The following ABCD3 variants were observed in gnomAD, a reference collection of about 807,000 sequenced individuals.
ABCD3 encodes the protein ATP binding cassette subfamily D member 3, also known as ATP-binding cassette sub-family D member 3.
Under a neutral mutation model 105.5 loss-of-function variants are expected in ABCD3, and 41 were observed. The observed-to-expected ratio is 0.39, with a 90% CI of 0.30 to 0.50. The LOEUF (loss-of-function observed/expected upper bound fraction) is 0.50. Among genes scored for constraint, ABCD3 ranks in the 20% least tolerant of loss-of-function variants. ABCD3 has a pLI of 0.84. For missense variants in ABCD3, 622 were observed against 806.3 expected (o/e 0.77, Z 2.77); for synonymous variants, 258 against 269.0 (o/e 0.96, Z 0.40).
chr1:94,386,211 G>T, the ABCD3 span, among the ~76,000 whole-genome samples: 2 of 152,208 alleles, frequency 1.3e-5, no homozygotes, highest in African/African-American at 2.4e-5. Context: ...GAAGGGTGGT[G>T]GGATTGGCAA....
chr1:94,417,124 TCAGAGGG>T (rs1391698059), upstream of ABCD3, among the ~76,000 whole-genome samples: 1 of 152,228 alleles, frequency 6.6e-6, no homozygotes, highest in African/African-American at 2.4e-5. Context: ...CAGTTAACTT[TCAGAGGG>T]CCAAAACCTT....
intron 1 of ABCD3, among the ~76,000 whole-genome samples, chr1:94,429,769 A>G (rs1233308112): frequency 2.0e-5 from 3 of 152,234 alleles, no homozygotes; most frequent in Non-Finnish European, 4.4e-5. Flanking sequence ...TGGGGCCCAC[A>G]TGGAGAACCT....
the ABCD3 span, among the ~76,000 whole-genome samples, chr1:94,385,960 C>A: frequency 6.6e-6 from 1 of 152,118 alleles, no homozygotes; most frequent in African/African-American, 2.4e-5. Context: ...ACTTCCTTCT[C>A]GATACCTGAT....
intron 1 of ABCD3, among the ~76,000 whole-genome samples, chr1:94,429,437 T>G (rs893426241): frequency 6.6e-6 from 1 of 152,096 alleles, no homozygotes; most frequent in African/African-American, 2.4e-5. Flanking sequence ...TCAGAGACCT[T>G]TGTGGCAGCC....
At chr1:94,481,400 T>A (rs1222306573) in intron 9 of ABCD3, 1 of 152,242 alleles carries the variant, frequency 6.6e-6, no homozygotes, top group Non-Finnish European at 1.5e-5. Flanking sequence ...ATAGGGTTTT[T>A]TGCTCTAGGG....
intron 16 of ABCD3, among the ~76,000 whole-genome samples, chr1:94,496,856 C>T (rs1450026949): frequency 6.6e-6 from 1 of 150,850 alleles, no homozygotes; most frequent in African/African-American, 2.4e-5. Context: ...CAACCTCTGC[C>T]TCTCGGGTTC....
chr1:94,511,364 G>T (rs1224037104), intron 21 of ABCD3, among the ~76,000 whole-genome samples: 5 of 152,166 alleles, frequency 3.3e-5, no homozygotes, highest in Non-Finnish European at 7.3e-5. Context: ...GAGATCCGCT[G>T]TTAGTCTAAT....
intron 7 of ABCD3, among the ~76,000 whole-genome samples, chr1:94,477,418 A>G (rs1648813923): frequency 6.6e-6 from 1 of 151,966 alleles, no homozygotes; most frequent in South Asian, 2.1e-4. Flanking sequence ...GCTTGAGCCC[A>G]GGAGTTCAAG....
At chr1:94,412,709 G>A in the ABCD3 span, among the ~76,000 whole-genome samples, 32 of 152,294 alleles carry the variant, frequency 2.1e-4, no homozygotes, top group Admixed American at 2.0e-3. Context: ...TTCTTCTGGA[G>A]TTCATATTTA....
At chr1:94,447,261 A>T (rs1318064827) in intron 1 of ABCD3, among the ~76,000 whole-genome samples, 1 of 152,214 alleles carries the variant, frequency 6.6e-6, no homozygotes, top group Non-Finnish European at 1.5e-5. Context: ...GGAATTCACC[A>T]GTTTTTGTAA....
chr1:94,412,881 T>G, the ABCD3 span, among the ~76,000 whole-genome samples: 1 of 152,216 alleles, frequency 6.6e-6, no homozygotes, highest in Admixed American at 6.5e-5. Context: ...TTTAATTTTT[T>G]TATTGTGTGA....
intron 16 of ABCD3, among the ~76,000 whole-genome samples, chr1:94,494,485 G>A (rs1189453969): frequency 6.6e-6 from 1 of 151,978 alleles, no homozygotes; most frequent in Non-Finnish European, 1.5e-5. Flanking sequence ...TCTTAACATA[G>A]CCTTTCTATA....
chr1:94,488,829 C>CTG (rs1649394432), intron 13 of ABCD3, among the ~76,000 whole-genome samples: 1 of 151,268 alleles, frequency 6.6e-6, no homozygotes, highest in East Asian at 1.9e-4. Flanking sequence ...CTCTCTCTCT[C>CTG]TCTCTCGCTC....
At chr1:94,472,893 A>G (rs1349847002) in intron 4 of ABCD3, among the ~76,000 whole-genome samples, 2 of 152,216 alleles carry the variant, frequency 1.3e-5, no homozygotes, top group Non-Finnish European at 2.9e-5. Flanking sequence ...TCAAATACAT[A>G]CTATCTTTGT....
intron 1 of ABCD3, among the ~76,000 whole-genome samples, chr1:94,453,003 A>C (rs965118002): frequency 2.0e-5 from 3 of 152,088 alleles, no homozygotes; most frequent in African/African-American, 7.2e-5. Flanking sequence ...CTTCCAAAGC[A>C]CTGGGATCCA....
intron 1 of ABCD3, among the ~76,000 whole-genome samples, chr1:94,436,768 G>A (rs1367314792): frequency 6.6e-6 from 1 of 152,124 alleles, no homozygotes; most frequent in African/African-American, 2.4e-5. Context: ...TATTGTAATT[G>A]TTTTGGGGTG....
At chr1:94,392,019 T>C in the ABCD3 span, among the ~76,000 whole-genome samples, 6 of 152,148 alleles carry the variant, frequency 3.9e-5, no homozygotes, top group African/African-American at 1.4e-4. Context: ...TACTTGAGCA[T>C]GGAAAGTTGG....
chr1:94,491,864 G>C (rs949772896), intron 16 of ABCD3, among the ~76,000 whole-genome samples: 1 of 152,082 alleles, frequency 6.6e-6, no homozygotes. Flanking sequence ...TACTATTTAG[G>C]TTTTCTCTAT....
intron 1 of ABCD3, among the ~76,000 whole-genome samples, chr1:94,445,354 T>TTGGA (rs1407235543): frequency 6.6e-6 from 1 of 152,014 alleles, no homozygotes; most frequent in African/African-American, 2.4e-5. Context: ...GGAGTGATGG[T>TTGGA]TGGAGAACAT....
Sources: allele counts gnomAD v4.1 joint callset (sites outside exome capture counted in the v4.1 genomes callset), GRCh38; gene constraint gnomAD v4.1.1; transcripts MANE v1.5; gene names NCBI Gene and HGNC (gene_info 2026-07-23, HGNC 2026-07-21).